The following CCBE1 variants were observed in gnomAD, a reference collection of about 807,000 sequenced individuals.
CCBE1 encodes the protein collagen and calcium binding EGF domains 1.
In CCBE1, 37 loss-of-function variants were observed where a neutral mutation model predicts 50.0. The ratio of observed to expected loss-of-function variants is 0.74; its 90% CI spans 0.57 to 0.97. CCBE1 has a LOEUF of 0.97. Among genes scored for constraint, CCBE1 ranks in the 50% least tolerant of loss-of-function variants. The pLI, the probability that CCBE1 is intolerant of heterozygous loss-of-function variation, is 0.00. For synonymous variants in CCBE1, 234 were observed against 203.7 expected (o/e 1.15, Z -1.27); for missense variants, 538 against 523.8 (o/e 1.03, Z -0.26).
intron 3 of CCBE1, among the ~76,000 whole-genome samples, chr18:59,479,125 A>C (rs1912449446): frequency 6.6e-6 from 1 of 152,218 alleles, no homozygotes; most frequent in Non-Finnish European, 1.5e-5. Flanking sequence ...TCTTCTATAG[A>C]GATCTGGCTT....
chr18:59,585,893 T>C (rs763094655), intron 2 of CCBE1, among the ~76,000 whole-genome samples: 1 of 152,232 alleles, frequency 6.6e-6, no homozygotes, highest in Non-Finnish European at 1.5e-5. Flanking sequence ...CTACTATTTC[T>C]AAACCTGCTG....
At chr18:59,663,380 T>C (rs2054311743) in intron 2 of CCBE1, among the ~76,000 whole-genome samples, 1 of 152,164 alleles carries the variant, frequency 6.6e-6, no homozygotes, top group South Asian at 2.1e-4. Context: ...TCAACATATG[T>C]CCTGATTTGC....
chr18:59,447,252 A>G (rs1910718390), intron 7 of CCBE1, among the ~76,000 whole-genome samples: 1 of 152,196 alleles, frequency 6.6e-6, no homozygotes, highest in African/African-American at 2.4e-5. Context: ...GATTCTAGTC[A>G]TATGGAGTTC....
intron 2 of CCBE1, among the ~76,000 whole-genome samples, chr18:59,645,421 G>GA (rs906755107): frequency 4.0e-5 from 6 of 151,844 alleles, no homozygotes; most frequent in African/African-American, 1.2e-4. Flanking sequence ...TTCTCAGTGA[G>GA]AAAAAAAAGA....
At chr18:59,638,424 G>A (rs2144640204) in intron 2 of CCBE1, among the ~76,000 whole-genome samples, 1 of 152,190 alleles carries the variant, frequency 6.6e-6, no homozygotes, top group Middle Eastern at 3.4e-3. Context: ...TGTGGTCCTG[G>A]ACCAGCAGCA....
intron 2 of CCBE1, among the ~76,000 whole-genome samples, chr18:59,570,086 A>G (rs985241867): frequency 6.6e-6 from 1 of 152,226 alleles, no homozygotes; most frequent in African/African-American, 2.4e-5. Context: ...CTTCCTGAAC[A>G]CACGCTCCAC....
At chr18:59,691,608 G>A (rs1296660614) in intron 2 of CCBE1, among the ~76,000 whole-genome samples, 1 of 152,144 alleles carries the variant, frequency 6.6e-6, no homozygotes, top group Non-Finnish European at 1.5e-5. Context: ...GTTTCACCAT[G>A]TTGGCCAGGC....
At chr18:59,584,497 T>A (rs971606118) in intron 2 of CCBE1, among the ~76,000 whole-genome samples, 7 of 146,884 alleles carry the variant, frequency 4.8e-5, no homozygotes, top group Non-Finnish European at 7.5e-5. Context: ...ACTTAAAGTA[T>A]AATAATAATA....
intron 2 of CCBE1, among the ~76,000 whole-genome samples, chr18:59,610,659 C>T (rs1035414000): frequency 6.6e-6 from 1 of 152,204 alleles, no homozygotes; most frequent in South Asian, 2.1e-4. Context: ...TGTTTTCCAA[C>T]AGGGAAAGGA....
chr18:59,683,249 A>G (rs1013795740), intron 2 of CCBE1, among the ~76,000 whole-genome samples: 2 of 152,232 alleles, frequency 1.3e-5, no homozygotes, highest in African/African-American at 4.8e-5. Flanking sequence ...AGACAAACGC[A>G]GACATCACCT....
chr18:59,495,870 G>A (rs778981961), intron 2 of CCBE1, among the ~76,000 whole-genome samples: 6 of 152,154 alleles, frequency 3.9e-5, no homozygotes, highest in Admixed American at 1.3e-4. Flanking sequence ...TACACAAGTG[G>A]TGGTTCTCAA....
chr18:59,461,595 T>C (rs962599114), intron 5 of CCBE1, among the ~76,000 whole-genome samples: 2 of 152,136 alleles, frequency 1.3e-5, no homozygotes, highest in East Asian at 1.9e-4. Context: ...GAAAATACTG[T>C]AGAAGGGTGC....
intron 2 of CCBE1, among the ~76,000 whole-genome samples, chr18:59,508,481 C>A (rs11152153): frequency 0.021 from 3,232 of 151,848 alleles, 140 homozygotes; most frequent in East Asian, 0.21. Flanking sequence ...CCTGTAGTCC[C>A]AGTTACCCAG....
rs1011684409 is a variant in CCBE1 at position 59,562,574 on chromosome 18, C to G, written c.213-82336G>C. ...TTCAATAATAAACCTGCTTTCTACC[C>G]GAGTTACTTTGAGGGGATGTGCACA... is the stretch of plus-strand genomic sequence containing the variant. On this transcript the variant is annotated intron_variant, in intron 2 of 10. Transcript: ENST00000439986. Among the ~76,000 whole-genome samples the G allele has an allele frequency of 2.0e-5, 3 of 152,308 alleles. No individual in the cohort carries two copies. In the South Asian group the frequency reaches 6.2e-4, roughly 32 times the overall value.
intron 2 of CCBE1, among the ~76,000 whole-genome samples, chr18:59,555,295 A>G (rs546474254): frequency 6.6e-6 from 1 of 152,262 alleles, no homozygotes; most frequent in Non-Finnish European, 1.5e-5. Flanking sequence ...CTTGGGAGGG[A>G]AGGAGTTGAA....
Position 59,697,378 on chromosome 18 carries a change from C to G in CCBE1, c.-36G>C. The G allele has an allele frequency of 1.9e-6, 3 of 1,538,626 alleles. No homozygotes were observed. The highest frequency in any genetic ancestry group is 1.2e-5 in the South Asian group (1 of 83,724). ...CCCGGCTTCTTCCCAGCGCCGAGCT[C>G]CGTCCGGACCAAGCGTCCTGCTCCT... On this transcript the variant is annotated 5_prime_UTR_variant, in exon 1 of 11. Transcript: ENST00000439986.
At chr18:59,570,440 G>C (rs540324220) in intron 2 of CCBE1, among the ~76,000 whole-genome samples, 1 of 152,268 alleles carries the variant, frequency 6.6e-6, no homozygotes, top group South Asian at 2.1e-4. Context: ...TTTTGATGAG[G>C]GGCATCAATC....
intron 2 of CCBE1, chr18:59,568,380 G>A (rs2040295): frequency 0.34 from 52,066 of 152,012 alleles, 9,465 homozygotes; most frequent in East Asian, 0.61. Context: ...AAAACACTTG[G>A]TATTACTTCT....
chr18:59,630,672 T>C (rs1292153152), intron 2 of CCBE1, among the ~76,000 whole-genome samples: 1 of 152,224 alleles, frequency 6.6e-6, no homozygotes, highest in Non-Finnish European at 1.5e-5. Context: ...TCCAGCATGA[T>C]GGTCTCAGGT....
Sources: gnomAD v4.1 joint callset for allele counts (sites outside exome capture counted in the v4.1 genomes callset) on GRCh38, gnomAD v4.1.1 for gene constraint, MANE v1.5 for transcripts, NCBI Gene and HGNC (gene_info 2026-07-23, HGNC 2026-07-21) for gene names.